Variants in TLE4 observed in about 807,000 individuals in gnomAD.
The protein encoded by TLE4 is TLE family member 4, transcriptional corepressor.
TLE4 carries 8 observed loss-of-function variants against 92.8 expected under a neutral mutation model. The ratio of observed to expected loss-of-function variants is 0.09; its 90% confidence interval spans 0.05 to 0.16. The LOEUF (loss-of-function observed/expected upper bound fraction) is 0.16. Among genes scored for constraint, TLE4 ranks in the 10% least tolerant of loss-of-function variants. The pLI is 1.00. For missense variants in TLE4, 675 were observed against 997.6 expected (o/e 0.68, Z 4.36); for synonymous variants, 371 against 374.1 (o/e 0.99, Z 0.10).
intron 4 of TLE4, chr9:79,576,420 C>T (rs1038586663): frequency 3.4e-6 from 1 of 297,894 alleles, no homozygotes; most frequent in Non-Finnish European, 6.1e-6. Flanking sequence ...ACTCTGTACA[C>T]TTTCAAAAGC....
intron 16 of TLE4, among the ~76,000 whole-genome samples, chr9:79,721,344 C>T (rs2075604744): frequency 6.6e-6 from 1 of 152,200 alleles, no homozygotes; most frequent in African/African-American, 2.4e-5. Flanking sequence ...TGTGCCATCC[C>T]CAGTCCTTCT....
intron 8 of TLE4, among the ~76,000 whole-genome samples, chr9:79,666,204 GT>G (rs1204582531): frequency 9.2e-4 from 92 of 99,464 alleles, no homozygotes; most frequent in South Asian, 4.6e-3. Context: ...TGTGGGTGGG[GT>G]TTTTTTTTTT....
chr9:79,665,897 A>G (rs1444755451), intron 8 of TLE4, among the ~76,000 whole-genome samples: 1 of 152,214 alleles, frequency 6.6e-6, no homozygotes, highest in Non-Finnish European at 1.5e-5. Context: ...TCTAGTTGTT[A>G]CTTGAAGCCA....
At chr9:79,638,373 A>C (rs138643782) in intron 6 of TLE4, among the ~76,000 whole-genome samples, 26 of 152,292 alleles carry the variant, frequency 1.7e-4, no homozygotes, top group African/African-American at 6.3e-4. Flanking sequence ...TGTGAATAAC[A>C]ATTATTTCAT....
intron 5 of TLE4, among the ~76,000 whole-genome samples, chr9:79,618,861 A>T (rs2050281432): frequency 6.6e-6 from 1 of 152,210 alleles, no homozygotes; most frequent in Non-Finnish European, 1.5e-5. Flanking sequence ...AGAAGACGTT[A>T]TTCTTTTTAC....
intron 5 of TLE4, among the ~76,000 whole-genome samples, chr9:79,613,122 CT>C (rs1277277011): frequency 6.6e-5 from 10 of 152,094 alleles, no homozygotes; most frequent in Admixed American, 5.9e-4. Flanking sequence ...AATGGAAAGA[CT>C]TTTTGTAGTA....
At chr9:79,591,818 A>G (rs2042591301) in intron 4 of TLE4, among the ~76,000 whole-genome samples, 2 of 152,146 alleles carry the variant, frequency 1.3e-5, no homozygotes, top group Admixed American at 1.3e-4. Flanking sequence ...ATACTTTAGA[A>G]GGGGAGAACT....
intron 8 of TLE4, among the ~76,000 whole-genome samples, chr9:79,659,599 AT>A (rs1360587488): frequency 1.3e-5 from 2 of 151,994 alleles, no homozygotes; most frequent in East Asian, 3.9e-4. Flanking sequence ...TATTAAAAAA[AT>A]TTTTGTTTTT....
intron 18 of TLE4, 106 bp downstream of exon 18, chr9:79,722,707 C>G: frequency 7.3e-7 from 1 of 1,361,310 alleles, no homozygotes; most frequent in South Asian, 1.4e-5. Context: ...CCATGCCCCT[C>G]TTCAGAATTC....
chr9:79,697,094 T>C lies in TLE4; in HGVS notation c.610-7689T>C, dbSNP rs2135693517. Among the ~76,000 whole-genome samples the C allele has an allele frequency of 2.0e-5, 3 of 152,280 alleles. 1 individual carries two copies. In the South Asian group the frequency reaches 6.2e-4, roughly 32 times the overall value. On this transcript the variant is annotated intron_variant, in intron 8 of 19. Transcript: ENST00000376552. Reference sequence around the variant, plus strand: ...AGAAAGTGGCCAGTGCATGTAACTGTAATTTACAGAGTTAGCATACAAGAT... The same window carrying C: ...AGAAAGTGGCCAGTGCATGTAACTGCAATTTACAGAGTTAGCATACAAGAT...
intron 4 of TLE4, among the ~76,000 whole-genome samples, chr9:79,581,595 A>G (rs1054542535): frequency 5.9e-5 from 9 of 152,336 alleles, no homozygotes; most frequent in Admixed American, 6.5e-5. Flanking sequence ...CAAAATTCTT[A>G]TCGTTAGTTC....
chr9:79,614,442 T>TGTGA (rs1319384917), intron 5 of TLE4, among the ~76,000 whole-genome samples: 1 of 152,132 alleles, frequency 6.6e-6, no homozygotes, highest in Admixed American at 6.5e-5. Context: ...ATGTTGTTTG[T>TGTGA]GTGAGCAGGC....
chr9:79,678,979 C>T (rs1165556346), intron 8 of TLE4, among the ~76,000 whole-genome samples: 2 of 152,194 alleles, frequency 1.3e-5, no homozygotes, highest in East Asian at 3.9e-4. Context: ...GCATAGTATT[C>T]CATGATGTAT....
chr9:79,590,076 T>C (rs2042165701), intron 4 of TLE4, among the ~76,000 whole-genome samples: 2 of 152,282 alleles, frequency 1.3e-5, no homozygotes, highest in East Asian at 3.9e-4. Flanking sequence ...GCGCTATGAA[T>C]GTGGGTGGCT....
chr9:79,681,021 C>T (rs1367824344), intron 8 of TLE4, among the ~76,000 whole-genome samples: 3 of 152,012 alleles, frequency 2.0e-5, no homozygotes, highest in Admixed American at 6.6e-5. Flanking sequence ...CTGCTGGATT[C>T]GTTTTGCCAG....
intron 8 of TLE4, among the ~76,000 whole-genome samples, chr9:79,655,370 C>G (rs972966860): frequency 6.6e-6 from 1 of 152,132 alleles, no homozygotes; most frequent in Admixed American, 6.5e-5. Context: ...TATATGAATG[C>G]TAAAATTTTC....
rs1377976402 is a variant in TLE4, at chr9:79,572,785, G to T, written c.-6G>T. 6.2e-7 allele frequency: 1 copy of T among 1,600,872 alleles called. No individual in the cohort carries two copies. The highest frequency in any genetic ancestry group is 8.5e-7 in the Non-Finnish European group (1 of 1,174,504). Reference sequence around the variant, plus strand: ...CTGCCGAGCGCAGCCAACTAAATCGGCTTGGATGATTCGCGACCTGAGCAA... The same window carrying T: ...CTGCCGAGCGCAGCCAACTAAATCGTCTTGGATGATTCGCGACCTGAGCAA... On this transcript the variant is annotated 5_prime_UTR_variant, in exon 1 of 20. Coordinates refer to ENST00000376552, the MANE Select transcript of TLE4 (RefSeq NM_007005.6).
At chr9:79,598,263 GAAAA>G (rs938142420) in intron 4 of TLE4, among the ~76,000 whole-genome samples, 2 of 128,926 alleles carry the variant, frequency 1.6e-5, no homozygotes, top group African/African-American at 2.9e-5. Context: ...AAAAAAAAAA[GAAAA>G]AAAAAAAAGA....
At chr9:79,663,578 G>T (rs2060900165) in intron 8 of TLE4, 1 of 152,224 alleles carries the variant, frequency 6.6e-6, no homozygotes, top group African/African-American at 2.4e-5. Context: ...CAAAAGCAAG[G>T]TTCCCCTGGT....
Sources: gnomAD v4.1 joint callset for allele counts (sites outside exome capture counted in the v4.1 genomes callset) on GRCh38, gnomAD v4.1.1 for gene constraint, MANE v1.5 for transcripts, NCBI Gene and HGNC (gene_info 2026-07-23, HGNC 2026-07-21) for gene names.